Variants in CTNND2 observed in about 807,000 individuals in gnomAD.
The protein encoded by CTNND2 is catenin delta 2.
Under a neutral mutation model 144.4 loss-of-function variants are expected in CTNND2, and 22 were observed. That is an observed-to-expected ratio of 0.15 (90% CI 0.11 to 0.22). The LOEUF (loss-of-function observed/expected upper bound fraction) is 0.22. Ranked by LOEUF, CTNND2 falls within the 10% of genes least tolerant of loss-of-function variation. The pLI is 1.00. For synonymous variants in CTNND2, 751 were observed against 695.6 expected (o/e 1.08, Z -1.25); for missense variants, 1,353 against 1,618.8 (o/e 0.84, Z 2.82).
chr5:11,268,703 G>A (rs1745704373), intron 9 of CTNND2, among the ~76,000 whole-genome samples: 2 of 152,162 alleles, frequency 1.3e-5, no homozygotes, highest in East Asian at 3.9e-4. Flanking sequence ...ATGTAATGAA[G>A]ACTCATTTAT....
chr5:11,515,250 A>G (rs1421718396), intron 3 of CTNND2, among the ~76,000 whole-genome samples: 1 of 152,112 alleles, frequency 6.6e-6, no homozygotes, highest in Non-Finnish European at 1.5e-5. Flanking sequence ...CAGTCCATTC[A>G]TTTCCCTCTA....
At chr5:11,770,558 A>G (rs10057958) in intron 1 of CTNND2, among the ~76,000 whole-genome samples, 14,493 of 152,046 alleles carry the variant, frequency 0.095, 1,870 homozygotes, top group African/African-American at 0.29. Flanking sequence ...GAACCTACTC[A>G]TGCCTGCACA....
At chr5:11,306,394 A>T (rs1392697432) in intron 9 of CTNND2, among the ~76,000 whole-genome samples, 1 of 152,206 alleles carries the variant, frequency 6.6e-6, no homozygotes, top group African/African-American at 2.4e-5. Flanking sequence ...AAAAGTTGCA[A>T]GCTGCTTCCA....
At chr5:11,421,848 G>A (rs1561368472) in intron 3 of CTNND2, among the ~76,000 whole-genome samples, 1 of 152,152 alleles carries the variant, frequency 6.6e-6, no homozygotes, top group East Asian at 1.9e-4. Context: ...TGCCTAAGGG[G>A]ATGTGATCAA....
intron 1 of CTNND2, among the ~76,000 whole-genome samples, chr5:11,815,939 A>G (rs1179360834): frequency 6.6e-6 from 1 of 152,136 alleles, no homozygotes; most frequent in African/African-American, 2.4e-5. Context: ...TCTCCAAGAT[A>G]CCCACTGAGA....
At chr5:11,801,215 GT>G (rs1791663994) in intron 1 of CTNND2, among the ~76,000 whole-genome samples, 1 of 152,292 alleles carries the variant, frequency 6.6e-6, no homozygotes, top group Admixed American at 6.5e-5. Flanking sequence ...AAGCATGGAG[GT>G]TTTTTGTAAG....
chr5:11,665,225 C>T (rs964769277), intron 2 of CTNND2, among the ~76,000 whole-genome samples: 6 of 152,072 alleles, frequency 3.9e-5, no homozygotes, highest in Non-Finnish European at 7.4e-5. Flanking sequence ...GTGGTGAATC[C>T]GTGGGCTAGC....
chr5:11,311,687 T>A (rs1750884784), intron 9 of CTNND2, among the ~76,000 whole-genome samples: 1 of 119,382 alleles, frequency 8.4e-6, no homozygotes, highest in Non-Finnish European at 1.7e-5. Flanking sequence ...TCTCACACAC[T>A]CACTCTCCAT....
chr5:11,121,356 G>A (rs931226727), intron 12 of CTNND2, among the ~76,000 whole-genome samples: 2 of 152,166 alleles, frequency 1.3e-5, no homozygotes, highest in Admixed American at 6.5e-5. Context: ...CATGAGGAAG[G>A]TGACTTCTAT....
intron 1 of CTNND2, among the ~76,000 whole-genome samples, chr5:11,793,754 G>T (rs1266742167): frequency 1.3e-5 from 2 of 152,196 alleles, no homozygotes; most frequent in Admixed American, 6.6e-5. Flanking sequence ...AAGTCACTCA[G>T]ATTGTGGCAA....
At chr5:11,051,425 G>A (rs965628304) in intron 16 of CTNND2, among the ~76,000 whole-genome samples, 2 of 152,332 alleles carry the variant, frequency 1.3e-5, no homozygotes, top group African/African-American at 4.8e-5. Flanking sequence ...CAAGAACCCT[G>A]GCCTTCATTG....
chr5:11,180,996 T>C (rs1453095038), intron 11 of CTNND2, among the ~76,000 whole-genome samples: 2 of 152,150 alleles, frequency 1.3e-5, no homozygotes, highest in Non-Finnish European at 2.9e-5. Flanking sequence ...ACCAAGTCTG[T>C]GCACTTGAGG....
intron 2 of CTNND2, among the ~76,000 whole-genome samples, chr5:11,721,410 G>A (rs868327637): frequency 8.5e-5 from 13 of 152,088 alleles, no homozygotes; most frequent in African/African-American, 2.4e-4. Context: ...ACATAGAATC[G>A]TAAGACTTAG....
intron 2 of CTNND2, among the ~76,000 whole-genome samples, chr5:11,723,211 T>G (rs1277036291): frequency 6.6e-6 from 1 of 151,972 alleles, no homozygotes; most frequent in African/African-American, 2.4e-5. Context: ...ATATGGTAGG[T>G]TTTTTTTCCT....
intron 11 of CTNND2, among the ~76,000 whole-genome samples, chr5:11,172,831 G>A (rs1307387243): frequency 3.9e-5 from 6 of 152,192 alleles, no homozygotes; most frequent in African/African-American, 1.2e-4. Context: ...TCTGCGTGGA[G>A]AGAGAGTGTT....
chr5:11,896,760 G>A (rs182047168), intron 1 of CTNND2, among the ~76,000 whole-genome samples: 39 of 151,918 alleles, frequency 2.6e-4, no homozygotes, highest in Non-Finnish European at 2.1e-4. Context: ...ATGTGTGCTG[G>A]GTATCACATT....
intron 16 of CTNND2, among the ~76,000 whole-genome samples, chr5:11,059,985 CT>C (rs753458020): frequency 6.8e-6 from 1 of 147,700 alleles, no homozygotes; most frequent in Admixed American, 6.6e-5. Context: ...ATATTTTTTC[CT>C]GCAAAATAAG....
intron 2 of CTNND2, among the ~76,000 whole-genome samples, chr5:11,574,381 TG>T (rs1192994298): frequency 2.0e-5 from 3 of 152,136 alleles, no homozygotes; most frequent in Non-Finnish European, 4.4e-5. Context: ...AAAGATTAGC[TG>T]GAACTGTAAC....
At chr5:11,732,030 A>C in intron 2 of CTNND2, 106 bp downstream of exon 2, 1 of 1,023,088 alleles carries the variant, frequency 9.8e-7, no homozygotes, top group South Asian at 1.8e-5. Flanking sequence ...ACTCTGCTAC[A>C]TGAGTATGAG....
Sources: gnomAD v4.1 joint callset for allele counts (sites outside exome capture counted in the v4.1 genomes callset) on GRCh38, gnomAD v4.1.1 for gene constraint, MANE v1.5 for transcripts, NCBI Gene and HGNC (gene_info 2026-07-23, HGNC 2026-07-21) for gene names.